DCLK3: variants seen among roughly 807,000 people sequenced by gnomAD.
DCLK3 encodes serine/threonine-protein kinase DCLK3.
A neutral mutation model predicts 46.4 loss-of-function variants in DCLK3; 30 were observed. The observed-to-expected ratio is 0.65, with a 90% CI of 0.48 to 0.88. The LOEUF (loss-of-function observed/expected upper bound fraction) is 0.88, where lower values mean the gene tolerates loss of function less well. DCLK3 is among the 40% of genes least tolerant of loss of function. The pLI, the probability that DCLK3 is intolerant of heterozygous loss-of-function variation, is 0.00. For missense variants in DCLK3, 846 were observed against 907.1 expected (o/e 0.93, Z 0.87); for synonymous variants, 401 against 339.2 (o/e 1.18, Z -2.00).
chr3:36,750,206 G>A (rs931258984), intron 1 of DCLK3, among the ~76,000 whole-genome samples: 1 of 151,952 alleles, frequency 6.6e-6, no homozygotes. Context: ...TCACCCTCCC[G>A]AGTAGCTAGG....
At chr3:36,736,423 G>A (rs991459689) in intron 2 of DCLK3, among the ~76,000 whole-genome samples, 3 of 152,120 alleles carry the variant, frequency 2.0e-5, no homozygotes, top group African/African-American at 7.2e-5. Context: ...AGTATAAAGG[G>A]GTTTTGCTTT....
chr3:36,721,599 G>T lies in DCLK3; in HGVS notation c.2020C>A (p.His674Asn). 6.2e-7 allele frequency: 1 copy of T among 1,614,170 alleles called. No individual in the cohort carries two copies. Among genetic ancestry groups the T allele is most frequent in the Non-Finnish European group, 8.5e-7 (1 of 1,180,026 alleles). ...LKLADFGLAK[H>N]VVRPIFTVCG... Reference sequence around the variant, plus strand: ...ACAGTAAATATAGGTCTCACCACATGCTTTGCAAGTCCAAAATCAGCCAAT... The same window carrying T: ...ACAGTAAATATAGGTCTCACCACATTCTTTGCAAGTCCAAAATCAGCCAAT... Residue 674 changes from histidine (H) to asparagine (N), a missense_variant, in exon 3 of 5, where the codon CAT becomes AAT. Physicochemically the swap from His to Asn is moderately conservative, Grantham distance 68. This residue lies in a region of DCLK3 where 247 missense variants were observed against 322.8 expected (regional missense o/e 0.77). Coordinates refer to ENST00000636136, the MANE Select transcript of DCLK3 (RefSeq NM_001394672.2).
intron 2 of DCLK3, among the ~76,000 whole-genome samples, chr3:36,727,588 A>G (rs1482192564): frequency 6.6e-6 from 1 of 152,162 alleles, no homozygotes; most frequent in African/African-American, 2.4e-5. Context: ...TAGTTTCTTC[A>G]CACTAGAGCT....
intron 1 of DCLK3, among the ~76,000 whole-genome samples, chr3:36,742,273 G>A (rs1179618885): frequency 6.6e-6 from 1 of 152,122 alleles, no homozygotes; most frequent in African/African-American, 2.4e-5. Context: ...ACCCAGAGCT[G>A]GGTAGGGAGA....
chr3:36,752,859 C>T (rs368995455), intron 1 of DCLK3, among the ~76,000 whole-genome samples: 1 of 152,180 alleles, frequency 6.6e-6, no homozygotes, highest in African/African-American at 2.4e-5. Flanking sequence ...CGGCTATTTT[C>T]CATTTAAATT....
intron 1 of DCLK3, among the ~76,000 whole-genome samples, chr3:36,748,429 G>A (rs1309691108): frequency 1.3e-5 from 2 of 152,178 alleles, no homozygotes; most frequent in African/African-American, 4.8e-5. Flanking sequence ...AGAGTGAGAG[G>A]AGGACCAGCC....
At chr3:36,759,444 G>T (rs1701518710) in intron 1 of DCLK3, among the ~76,000 whole-genome samples, 2 of 152,232 alleles carry the variant, frequency 1.3e-5, no homozygotes, top group Non-Finnish European at 2.9e-5. Flanking sequence ...ACTGGGAGAA[G>T]CTCTGTCTAC....
At chr3:36,755,050 T>G (rs918387420) in intron 1 of DCLK3, among the ~76,000 whole-genome samples, 3 of 152,162 alleles carry the variant, frequency 2.0e-5, no homozygotes, top group African/African-American at 7.2e-5. Context: ...ATGAAAAAAT[T>G]TATACATTTA....
rs753013409 is a variant in DCLK3, at chr3:36,737,682, C to G, written c.1485G>C (p.Lys495Asn). The G allele has an allele frequency of 3.7e-6, 6 of 1,613,646 alleles. No homozygotes were observed. In the East Asian group the frequency reaches 1.3e-4, roughly 36 times the overall value. Residue 495 changes from lysine to asparagine, a missense_variant, in exon 2 of 5, where the codon AAG (lysine) becomes AAC (asparagine). Lys to Asn is a moderately conservative substitution (Grantham distance 94). Around this residue, in one of 3 missense-constraint regions of DCLK3, gnomAD observed 553 missense variants for 543.0 expected, o/e 1.02. Coordinates refer to ENST00000636136, the MANE Select transcript of DCLK3 (RefSeq NM_001394672.2). This position sits in a 1 kb window ranked among gnomAD's most constrained non-coding sequence, Gnocchi z 4.4. ...DQPAKLEKEP[K>N]TRPEENKPER... is the part of the protein sequence containing the mutation. ...CTGGCTTGTTCTCTTCTGGCCTCGT[C>G]TTGGGCTCCTTTTCTAGCTTTGCAG...
chr3:36,757,270 T>C (rs1053904208), intron 1 of DCLK3, among the ~76,000 whole-genome samples: 1 of 152,174 alleles, frequency 6.6e-6, no homozygotes, highest in Admixed American at 6.5e-5. Context: ...TTACTTCTTA[T>C]GTAATTACCT....
chr3:36,728,494 G>A (rs1184900173), intron 2 of DCLK3, among the ~76,000 whole-genome samples: 2 of 152,124 alleles, frequency 1.3e-5, no homozygotes, highest in Admixed American at 6.5e-5. Context: ...TGGATAGAAC[G>A]AAAGTAGGGA....
rs1175805554 is a variant in DCLK3 at position 36,712,468 on chromosome 3, G to A, written c.*2860C>T. 2 of 152,090 alleles carry A rather than the reference G, an allele frequency of 1.3e-5. No individual in the cohort carries two copies. Among genetic ancestry groups the A allele is most frequent in the East Asian group, 3.9e-4 (2 of 5,194 alleles). The allele number at this position is 152,090 out of a possible 1,614,324, so 9.4% of individuals were successfully genotyped here. On this transcript the variant is annotated 3_prime_UTR_variant, in exon 5 of 5. Coordinates refer to ENST00000636136, the MANE Select transcript of DCLK3 (RefSeq NM_001394672.2). ...AGGTATAATTGACACACAATAAACT[G>A]CACATAACAAAAGTGTACAATTTGG...
In DCLK3 at chr3:36,731,955, G is replaced by A. The variant is rs921628129; in HGVS notation, c.1959+5253C>T. Among the ~76,000 whole-genome samples the A allele has an allele frequency of 2.0e-5, 3 of 152,154 alleles. No homozygotes were observed. In the South Asian group the frequency reaches 6.2e-4, roughly 32 times the overall value. ...TTTCCTTAGCTTAAGAGCATTTTCC[G>A]AATGCCCTTAAAGACTTTTAAGAAA... On this transcript the variant is annotated intron_variant, in intron 2 of 4. Transcript: ENST00000636136.
intron 4 of DCLK3, among the ~76,000 whole-genome samples, chr3:36,717,343 T>C (rs1700997002): frequency 2.0e-5 from 3 of 152,098 alleles, no homozygotes; most frequent in Non-Finnish European, 1.5e-5. Context: ...CAAGCAATCC[T>C]CCCACCTGGG....
Position 36,755,624 on chromosome 3 carries a change from T to C in DCLK3, c.82+8558A>G, listed in dbSNP as rs537282467. On this transcript the variant is annotated intron_variant, in intron 1 of 4. Coordinates refer to ENST00000636136, the MANE Select transcript of DCLK3 (RefSeq NM_001394672.2). ...CAAACTACTGAAGAGGAGGGGAGTT[T>C]GGAAATGAGAAGCATTAAAGGAGGT... Among the ~76,000 whole-genome samples, 4 of 152,278 alleles carry C rather than the reference T, an allele frequency of 2.6e-5. No homozygotes were observed. The East Asian group carries it at 7.7e-4, about 29-fold the overall frequency.
Position 36,715,316 on chromosome 3 carries a change from C to G in DCLK3, c.*12G>C. 1 of 1,613,806 alleles carries G rather than the reference C, an allele frequency of 6.2e-7. No individual in the cohort carries two copies. Among genetic ancestry groups the G allele is most frequent in the Non-Finnish European group, 8.5e-7 (1 of 1,179,896 alleles). On this transcript the variant is annotated 3_prime_UTR_variant, in exon 5 of 5. Transcript: ENST00000636136. ...GCAGAACTGGGGGCTGGACAGATTC[C>G]CAAGGTGGTGACTATGATACCTGCT...
chr3:36,740,793 A>T (rs1355603811), intron 1 of DCLK3, among the ~76,000 whole-genome samples: 4 of 152,224 alleles, frequency 2.6e-5, no homozygotes, highest in Non-Finnish European at 5.9e-5. Flanking sequence ...ACATGGAAGA[A>T]TCTGCTGTTT....
rs1370064960 is a variant in DCLK3 at position 36,726,187 on chromosome 3, T to C, written c.1960-4528A>G. Among the ~76,000 whole-genome samples, 3 of 152,112 alleles carry C rather than the reference T, an allele frequency of 2.0e-5. No homozygotes were observed. In the South Asian group the frequency reaches 6.2e-4, roughly 32 times the overall value. On this transcript the variant is annotated intron_variant, in intron 2 of 4. Coordinates refer to ENST00000636136, the MANE Select transcript of DCLK3 (RefSeq NM_001394672.2). ...GGTGCCGCCTGCCATTAAATAAGTT[T>C]TCCAGTTTGAGGGAAGGTTAAATAA...
intron 1 of DCLK3, among the ~76,000 whole-genome samples, chr3:36,745,573 C>A (rs1199819122): frequency 6.6e-6 from 1 of 152,202 alleles, no homozygotes; most frequent in Non-Finnish European, 1.5e-5. Flanking sequence ...AAAGGTGCCC[C>A]TGAAAATATT....
Sources: allele counts gnomAD v4.1 joint callset (sites outside exome capture counted in the v4.1 genomes callset), GRCh38; gene constraint gnomAD v4.1.1; regional missense constraint gnomAD v4.1.1; non-coding constraint Gnocchi (gnomAD v3.1); transcripts MANE v1.5; gene names NCBI Gene and HGNC (gene_info 2026-07-23, HGNC 2026-07-21).